AFG2A: variants seen among roughly 807,000 people sequenced by gnomAD.
The protein encoded by AFG2A is ATPase family gene 2 protein homolog A.
At chr4:123,219,418 C>A in the AFG2A span, among the ~76,000 whole-genome samples, 17 of 152,330 alleles carry the variant, frequency 1.1e-4, no homozygotes, top group Non-Finnish European at 2.1e-4. Flanking sequence ...CCTCTGACAA[C>A]ACCCTCACAG....
chr4:123,199,462 G>GTGTT, the AFG2A span, among the ~76,000 whole-genome samples: 23 of 47,444 alleles, frequency 4.8e-4, 4 homozygotes, highest in East Asian at 7.4e-4. Context: ...ATACTCAGAG[G>GTGTT]TTTTTTTTTT....
At chr4:123,273,314 C>T in the AFG2A span, among the ~76,000 whole-genome samples, 2 of 152,020 alleles carry the variant, frequency 1.3e-5, no homozygotes, top group Admixed American at 1.3e-4. Flanking sequence ...GAAATCCAAA[C>T]TTTATCAGTG....
At chr4:123,254,891 A>T in the AFG2A span, among the ~76,000 whole-genome samples, 2 of 152,060 alleles carry the variant, frequency 1.3e-5, no homozygotes, top group Non-Finnish European at 2.9e-5. Flanking sequence ...TTTTATTAGA[A>T]CTCTGCTATT....
chr4:122,924,923 A>G, the AFG2A span, among the ~76,000 whole-genome samples: 1 of 152,198 alleles, frequency 6.6e-6, no homozygotes, highest in African/African-American at 2.4e-5. Flanking sequence ...AAGCTTCTAT[A>G]TACTTATTCT....
chr4:123,205,449 G>GA, the AFG2A span, among the ~76,000 whole-genome samples: 593 of 148,922 alleles, frequency 4.0e-3, 6 homozygotes, highest in African/African-American at 0.014. Flanking sequence ...AAATTTTTAA[G>GA]AAAAAAAAAC....
the AFG2A span, among the ~76,000 whole-genome samples, chr4:123,298,128 C>T: frequency 1.8e-4 from 27 of 151,918 alleles, no homozygotes; most frequent in South Asian, 5.6e-3. Flanking sequence ...CACACACACA[C>T]ACACTTGATT....
the AFG2A span, among the ~76,000 whole-genome samples, chr4:123,076,861 C>G: frequency 6.8e-6 from 1 of 148,050 alleles, no homozygotes; most frequent in Non-Finnish European, 1.5e-5. Flanking sequence ...ATACTCCCAT[C>G]TAGATGTTTC....
the AFG2A span, among the ~76,000 whole-genome samples, chr4:123,164,756 T>C: frequency 0.5 from 75,904 of 152,126 alleles, 23,373 homozygotes; most frequent in Non-Finnish European, 0.67. Context: ...TAATTTACTT[T>C]AATAATTGAG....
At chr4:123,220,546 A>G in the AFG2A span, among the ~76,000 whole-genome samples, 1 of 134,604 alleles carries the variant, frequency 7.4e-6, no homozygotes. Flanking sequence ...CCCGGGAGGC[A>G]GGGGTTGCAG....
At chr4:123,037,870 A>T in the AFG2A span, among the ~76,000 whole-genome samples, 1 of 152,102 alleles carries the variant, frequency 6.6e-6, no homozygotes, top group Non-Finnish European at 1.5e-5. Flanking sequence ...ACAGGACATC[A>T]TAATTCTTAG....
the AFG2A span, among the ~76,000 whole-genome samples, chr4:123,300,752 GTTTT>G: frequency 0.039 from 5,679 of 146,202 alleles, 361 homozygotes; most frequent in African/African-American, 0.13. Context: ...TGTTTTTTTT[GTTTT>G]TTTTTTTTTT....
chr4:123,059,126 T>C, the AFG2A span, among the ~76,000 whole-genome samples: 3 of 141,302 alleles, frequency 2.1e-5, no homozygotes, highest in African/African-American at 7.8e-5. Context: ...TCTTTTTTTT[T>C]TCTTTTCTTT....
the AFG2A span, among the ~76,000 whole-genome samples, chr4:123,160,894 TTAA>T: frequency 2.0e-5 from 3 of 152,148 alleles, no homozygotes; most frequent in African/African-American, 7.2e-5. Context: ...ACAGCAATAA[TTAA>T]TAATAAAGTA....
the AFG2A span, chr4:123,056,533 C>A: frequency 9.8e-7 from 1 of 1,021,430 alleles, no homozygotes; most frequent in Non-Finnish European, 1.4e-6. Context: ...CAGACTTTGG[C>A]ATTTCCGAAG....
At chr4:123,167,135 T>C in the AFG2A span, among the ~76,000 whole-genome samples, 12 of 150,578 alleles carry the variant, frequency 8.0e-5, no homozygotes, top group East Asian at 2.3e-3. Flanking sequence ...ATAATTAATA[T>C]AACTCAAACC....
chr4:122,980,680 G>T, the AFG2A span, among the ~76,000 whole-genome samples: 1 of 151,948 alleles, frequency 6.6e-6, no homozygotes, highest in African/African-American at 2.4e-5. Context: ...TTTTGGTAAT[G>T]GCCTTCCTAA....
chr4:123,221,767 A>G, the AFG2A span, among the ~76,000 whole-genome samples: 1 of 152,074 alleles, frequency 6.6e-6, no homozygotes, highest in East Asian at 1.9e-4. Context: ...TCTACTAAAA[A>G]TACAAAAAAA....
At chr4:123,289,659 C>A in the AFG2A span, among the ~76,000 whole-genome samples, 5 of 152,184 alleles carry the variant, frequency 3.3e-5, no homozygotes, top group Non-Finnish European at 5.9e-5. Flanking sequence ...CTTTTCTCTG[C>A]ATCCTCATCA....
chr4:123,214,095 A>G, the AFG2A span, among the ~76,000 whole-genome samples: 1 of 152,158 alleles, frequency 6.6e-6, no homozygotes, highest in Non-Finnish European at 1.5e-5. Flanking sequence ...GGTAATTAGC[A>G]TACAATAGCT....
Sources: allele counts gnomAD v4.1 joint callset (sites outside exome capture counted in the v4.1 genomes callset), GRCh38; gene constraint gnomAD v4.1.1; transcripts MANE v1.5; gene names NCBI Gene and HGNC (gene_info 2026-07-23, HGNC 2026-07-21).